ROCK2: variants seen among roughly 807,000 people sequenced by gnomAD.
The protein encoded by ROCK2 is rho-associated protein kinase 2.
A neutral mutation model predicts 195.1 loss-of-function variants in ROCK2; 61 were observed. The observed-to-expected ratio is 0.31, with a 90% CI of 0.25 to 0.39. The LOEUF (loss-of-function observed/expected upper bound fraction) is 0.39. Among genes scored for constraint, ROCK2 ranks in the 10% least tolerant of loss-of-function variants. ROCK2 has a pLI of 1.00. For missense variants in ROCK2, 1,109 were observed against 1,637.4 expected, an observed-to-expected ratio of 0.68 and a Z score of 5.57; for synonymous variants, 504 against 545.5, an observed-to-expected ratio of 0.92 and a Z score of 1.06.
chr2:11,266,604 T>C (rs550716804), intron 3 of ROCK2, among the ~76,000 whole-genome samples: 3 of 152,344 alleles, frequency 2.0e-5, no homozygotes, highest in South Asian at 2.1e-4. Context: ...CCAACTATTA[T>C]AAAACTTTCT....
At chr2:11,251,821 AAAAC>A (rs1171028036) in intron 3 of ROCK2, among the ~76,000 whole-genome samples, 3 of 152,236 alleles carry the variant, frequency 2.0e-5, no homozygotes, top group Non-Finnish European at 4.4e-5. Context: ...TTACAAGAAA[AAAAC>A]AAACAACTCC....
chr2:11,213,898 T>A (rs1399940763), intron 17 of ROCK2, among the ~76,000 whole-genome samples: 1 of 152,230 alleles, frequency 6.6e-6, no homozygotes, highest in Non-Finnish European at 1.5e-5. Flanking sequence ...CTGATATTTC[T>A]ACCACATATA....
At chr2:11,342,287 T>G (rs1669131253) in intron 1 of ROCK2, among the ~76,000 whole-genome samples, 1 of 152,194 alleles carries the variant, frequency 6.6e-6, no homozygotes, top group Non-Finnish European at 1.5e-5. Context: ...AAAGTGTGTT[T>G]TGGCTGTAAT....
chr2:11,241,916 C>T (rs903048587), intron 4 of ROCK2, among the ~76,000 whole-genome samples: 2 of 152,174 alleles, frequency 1.3e-5, no homozygotes, highest in East Asian at 1.9e-4. Flanking sequence ...TCACTTGAGC[C>T]ACCTTGTTAG....
chr2:11,307,938 ATGT>A, intron 1 of ROCK2: 1 of 1,420,886 alleles, frequency 7.0e-7, no homozygotes, highest in Non-Finnish European at 9.3e-7. Flanking sequence ...GGCCCTGTTA[ATGT>A]CAGGGCCAGG....
intron 7 of ROCK2, among the ~76,000 whole-genome samples, chr2:11,223,093 G>C (rs181458076): frequency 6.6e-6 from 1 of 152,112 alleles, no homozygotes; most frequent in Admixed American, 6.5e-5. Context: ...TATCCTCTTA[G>C]AAAGAGGCGT....
chr2:11,256,500 T>C (rs2148138448), intron 3 of ROCK2, among the ~76,000 whole-genome samples: 1 of 151,472 alleles, frequency 6.6e-6, no homozygotes, highest in Middle Eastern at 3.4e-3. Flanking sequence ...TAAACCTCTT[T>C]TATGAATTAT....
chr2:11,248,480 G>A (rs1027971507), intron 4 of ROCK2, among the ~76,000 whole-genome samples: 14 of 151,954 alleles, frequency 9.2e-5, no homozygotes, highest in African/African-American at 3.4e-4. Flanking sequence ...GGCTAAGGCA[G>A]GCACATCACT....
intron 1 of ROCK2, among the ~76,000 whole-genome samples, chr2:11,322,377 T>C (rs1285987497): frequency 6.6e-6 from 1 of 151,370 alleles, no homozygotes; most frequent in Non-Finnish European, 1.5e-5. Context: ...TGTATATGTA[T>C]TTTATACATA....
intron 1 of ROCK2, 142 bp from the exon 2 acceptor site, chr2:11,287,878 T>C (rs1036866059): frequency 2.6e-6 from 1 of 379,984 alleles, no homozygotes; most frequent in African/African-American, 2.1e-5. Context: ...AAGTTCCATA[T>C]CCAACAGCTT....
At chr2:11,218,911 TA>T in intron 10 of ROCK2, 54 bp downstream of exon 10, 1 of 1,070,774 alleles carries the variant, frequency 9.3e-7, no homozygotes, top group Non-Finnish European at 1.4e-6. Context: ...TGGGGATTAC[TA>T]AAATATTTAA....
At chr2:11,331,054 A>AGGAGGAGGG in intron 1 of ROCK2, among the ~76,000 whole-genome samples, 1 of 128,554 alleles carries the variant, frequency 7.8e-6, no homozygotes, top group Non-Finnish European at 1.7e-5. Context: ...GAGGAGGAGG[A>AGGAGGAGGG]GGAGAAGAAG....
intron 32 of ROCK2, among the ~76,000 whole-genome samples, chr2:11,188,275 AATTTTTGT>A (rs1558273559): frequency 1.3e-5 from 2 of 151,722 alleles, no homozygotes; most frequent in African/African-American, 4.8e-5. Flanking sequence ...ACGCCTGGCT[AATTTTTGT>A]ATTTTTAGTA....
chr2:11,202,700 G>A (rs976588845), intron 20 of ROCK2, among the ~76,000 whole-genome samples: 1 of 152,012 alleles, frequency 6.6e-6, no homozygotes, highest in Non-Finnish European at 1.5e-5. Flanking sequence ...GTTTCACCGT[G>A]TTAGCCAGGA....
intron 4 of ROCK2, among the ~76,000 whole-genome samples, chr2:11,242,696 T>C (rs1665469616): frequency 6.6e-6 from 1 of 152,132 alleles, no homozygotes. Context: ...ATGGCTAATC[T>C]CCACCCCTTG....
At chr2:11,184,973 G>A (rs1663138565) in intron 32 of ROCK2, among the ~76,000 whole-genome samples, 1 of 152,166 alleles carries the variant, frequency 6.6e-6, no homozygotes, top group African/African-American at 2.4e-5. Flanking sequence ...TGTTGGCCAA[G>A]TACACTTTCC....
intron 1 of ROCK2, among the ~76,000 whole-genome samples, chr2:11,330,750 AGGAGGAGGAG>A (rs1668698678): frequency 2.7e-5 from 1 of 37,264 alleles, no homozygotes; most frequent in Non-Finnish European, 6.3e-5. Context: ...GGGAGGAGGG[AGGAGGAGGAG>A]GGAGGAGGAG....
At chr2:11,200,911 T>C (rs41264191) in intron 23 of ROCK2, 46 bp downstream of exon 23, 70,245 of 1,506,750 alleles carry the variant, frequency 0.047, 2,346 homozygotes, top group Non-Finnish European at 0.051. Flanking sequence ...GTTTAAGATA[T>C]AGCAATTTAA....
chr2:11,323,438 A>G (rs1469169964), intron 1 of ROCK2, among the ~76,000 whole-genome samples: 1 of 152,190 alleles, frequency 6.6e-6, no homozygotes, highest in Non-Finnish European at 1.5e-5. Context: ...GAATGAATAA[A>G]CCTTTATTCA....
Sources: allele counts gnomAD v4.1 joint callset (sites outside exome capture counted in the v4.1 genomes callset), GRCh38; gene constraint gnomAD v4.1.1; transcripts MANE v1.5; gene names NCBI Gene and HGNC (gene_info 2026-07-23, HGNC 2026-07-21).